KIF2C: variants seen among roughly 807,000 people sequenced by gnomAD.
KIF2C encodes kinesin family member 2C, also known as kinesin-like protein KIF2C.
A neutral mutation model predicts 97.4 loss-of-function variants in KIF2C; 34 were observed. The ratio of observed to expected loss-of-function variants is 0.35; its 90% CI spans 0.27 to 0.46. KIF2C has a LOEUF of 0.46. Ranked by LOEUF, KIF2C falls within the 20% of genes least tolerant of loss-of-function variation. The pLI is 1.00. For missense variants in KIF2C, 750 were observed against 907.6 expected (o/e 0.83, Z 2.23); for synonymous variants, 313 against 318.2 (o/e 0.98, Z 0.17).
chr1:44,746,663 G>A (rs771051996), intron 2 of KIF2C: 34 of 1,570,224 alleles, frequency 2.2e-5, no homozygotes, highest in East Asian at 6.9e-5. Flanking sequence ...TGGAGTACCC[G>A]ACTGTTTGCC....
At chr1:44,765,566 G>A (rs895065311) in intron 19 of KIF2C, among the ~76,000 whole-genome samples, 1 of 152,140 alleles carries the variant, frequency 6.6e-6, no homozygotes, top group Non-Finnish European at 1.5e-5. Flanking sequence ...TGGGCGCGGT[G>A]GCTTATGCCT....
intron 4 of KIF2C, 141 bp downstream of exon 4, chr1:44,747,841 T>G: frequency 5.7e-6 from 4 of 705,178 alleles, no homozygotes; most frequent in East Asian, 2.7e-5. Flanking sequence ...CATCTTTCTC[T>G]ATGAGAAAGA....
chr1:44,742,850 A>G (rs1179729559), intron 2 of KIF2C, among the ~76,000 whole-genome samples: 2 of 152,044 alleles, frequency 1.3e-5, no homozygotes. Flanking sequence ...CTGGTTGAGG[A>G]GACAAAAAGA....
In KIF2C at chr1:44,766,966, G is replaced by T. The variant is rs1573583154; in HGVS notation, c.2095+17G>T. On this transcript the variant is annotated intron_variant, in intron 20 of 20. Coordinates refer to ENST00000372224, the MANE Select transcript of KIF2C (RefSeq NM_006845.4). Reference sequence around the variant, plus strand: ...CCCTGCGAGGTGGGTGTGGCTGGATGGGGTGCAGGTGGACGATGGTGGCCT... The same window carrying T: ...CCCTGCGAGGTGGGTGTGGCTGGATTGGGTGCAGGTGGACGATGGTGGCCT... 1 of 1,614,092 alleles carries T rather than the reference G, an allele frequency of 6.2e-7. No homozygotes were observed. The highest frequency in any genetic ancestry group is 2.2e-5 in the East Asian group (1 of 44,876).
rs58381189 is a variant in KIF2C at position 44,751,507 on chromosome 1, C to CTTT, written c.439+959_439+961dup. On this transcript the variant is annotated intron_variant, in intron 5 of 20. Coordinates refer to ENST00000372224, the MANE Select transcript of KIF2C (RefSeq NM_006845.4). ...CACCTCGCCCAGCCCTCTTTTTGTA[C>CTTT]TTTTTTTTTTTTTTTTTTGAGACGG... Among the ~76,000 whole-genome samples the CTTT allele has an allele frequency of 1.3e-3, 162 of 125,650 alleles. 2 individuals are homozygous for CTTT. The highest frequency in any genetic ancestry group is 3.3e-3 in the African/African-American group (112 of 34,078). 82.4% of individuals were successfully genotyped at this position (125,650 alleles called of 152,430 possible). A position where few individuals can be genotyped will look rare whatever the true frequency, so the allele number is the denominator to read the frequency against.
chr1:44,740,200 C>G (rs1407863457), intron 1 of KIF2C, among the ~76,000 whole-genome samples, 198 bp downstream of exon 1: 1 of 152,172 alleles, frequency 6.6e-6, no homozygotes, highest in Non-Finnish European at 1.5e-5. Flanking sequence ...TGTACGTGGT[C>G]CCTTTCGCAG....
At chr1:44,744,881 C>T (rs1302771991) in intron 2 of KIF2C, among the ~76,000 whole-genome samples, 2 of 151,752 alleles carry the variant, frequency 1.3e-5, no homozygotes, top group African/African-American at 2.4e-5. Context: ...GCAGCCTGGG[C>T]GACAGAGTGA....
chr1:44,754,110 A>G lies in KIF2C; in HGVS notation c.663+277A>G, dbSNP rs569758410. Among the ~76,000 whole-genome samples the G allele has an allele frequency of 3.8e-4, 58 of 151,294 alleles. 1 individual carries two copies. The highest frequency in any genetic ancestry group is 1.3e-3 in the African/African-American group (54 of 41,214). Reference sequence around the variant, plus strand: ...CTGGGATTACAGGCATGTGCCGCTAATTTTTTGTATTTTTAGTAGAGACAG... The same window carrying G: ...CTGGGATTACAGGCATGTGCCGCTAGTTTTTTGTATTTTTAGTAGAGACAG... On this transcript the variant is annotated intron_variant, in intron 7 of 20. Coordinates refer to ENST00000372224, the MANE Select transcript of KIF2C (RefSeq NM_006845.4).
chr1:44,757,425 A>G (rs971720393), intron 10 of KIF2C, 131 bp from the exon 11 acceptor site: 9 of 662,294 alleles, frequency 1.4e-5, no homozygotes, highest in East Asian at 1.1e-4. Flanking sequence ...AGGTGGGACC[A>G]CTGAGGCAGG....
At chr1:44,757,864 G>A (rs779380668) in intron 11 of KIF2C, 44 bp from the exon 12 acceptor site, 2 of 1,592,214 alleles carry the variant, frequency 1.3e-6, no homozygotes, top group East Asian at 2.2e-5. Context: ...TCTGCTCTAG[G>A]CCAACAGCCC....
Position 44,760,672 on chromosome 1 carries a change from C to G in KIF2C, c.1653C>G (p.Ser551=). The change falls in exon 16 of 21, where the codon TCC becomes TCG. Residue 551 remains serine, a synonymous_variant. Transcript: ENST00000372224. This position sits in a 1 kb window ranked among gnomAD's most constrained non-coding sequence, Gnocchi z 4.2. Reference sequence around the variant, plus strand: ...AGCTGACACAGGTGCTGAGGGACTCCTTCATTGGGGAGAACTCTAGGACTT... The same window carrying G: ...AGCTGACACAGGTGCTGAGGGACTCGTTCATTGGGGAGAACTCTAGGACTT... ...ESKLTQVLRD[S]FIGENSRTCM... 1.2e-6 allele frequency: 2 copies of G among 1,614,104 alleles called. No homozygotes were observed. The highest frequency in any genetic ancestry group is 1.7e-6 in the Non-Finnish European group (2 of 1,179,974).
At position 44,754,825 on chromosome 1, in the gene KIF2C, C is replaced by G. The variant is rs149784496; in HGVS notation, c.739C>G (p.Pro247Ala). The G allele has an allele frequency of 9.9e-6, 16 of 1,608,542 alleles. No individual in the cohort carries two copies. Among genetic ancestry groups the G allele is most frequent in the South Asian group, 8.8e-5 (8 of 90,954 alleles). ...ATTTCGGGCTACTTTGGAATGTCAT[C>G]CACTTACTATGACTGATCCTGTAAG... ...KEFRATLECHPLTMTDPIEEH... is the reference protein window; with the variant it reads ...KEFRATLECHALTMTDPIEEH... Residue 247 changes from proline (P) to alanine (A), a missense_variant, in exon 8 of 21, where the codon CCA becomes GCA. By Grantham distance (27) the Pro-to-Ala change is conservative (BLOSUM62 -1). Transcript: ENST00000372224.
intron 17 of KIF2C, 170 bp downstream of exon 17, chr1:44,762,153 C>T: frequency 1.2e-6 from 1 of 835,722 alleles, no homozygotes; most frequent in African/African-American, 1.7e-5. Context: ...CCAATCCTCT[C>T]CGGGCCCTGC....
rs768370302 is a variant in KIF2C, at chr1:44,750,515, G to C, written c.390G>C (p.Glu130Asp). 8 of 1,587,510 alleles carry C rather than the reference G, an allele frequency of 5.0e-6. No individual in the cohort carries two copies. In the African/African-American group the frequency reaches 6.7e-5, roughly 13 times the overall value. Residue 130 changes from glutamate to aspartate, a missense_variant, in exon 5 of 21, where the codon GAG (glutamate) becomes GAC (aspartate). By Grantham distance (45) the Glu-to-Asp change is conservative (BLOSUM62 2). Transcript: ENST00000372224. ...TCACGGCTCAGGAGAATGACATGGA[G>C]GTGGAGCTGCCTGCAGCTGCAAACT... ...LRITAQENDMEVELPAAANSR... is the reference protein window; with the variant it reads ...LRITAQENDMDVELPAAANSR...
At chr1:44,747,319 A>G (rs1649257353) in intron 2 of KIF2C, 65 bp from the exon 3 acceptor site, 9 of 1,410,530 alleles carry the variant, frequency 6.4e-6, no homozygotes, top group African/African-American at 1.5e-5. Context: ...AAAAAAAAAA[A>G]AAAGAAAAAA....
Position 44,753,223 on chromosome 1 carries a change from AG to A in KIF2C, c.533del (p.Gly178AlafsTer8), listed in dbSNP as rs1410683022. The A allele has an allele frequency of 1.1e-5, 17 of 1,613,448 alleles. No homozygotes were observed. The highest frequency in any genetic ancestry group is 1.4e-5 in the Non-Finnish European group (16 of 1,179,732). On this transcript the variant is annotated frameshift_variant, in exon 6 of 21. Coordinates refer to ENST00000372224, the MANE Select transcript of KIF2C (RefSeq NM_006845.4). LOFTEE classifies it high-confidence loss of function. ...TGGAAGAGCAAGTCCATTCCATCCG[AG>A]GCAGCTCTTCTGCAAACCCTGTGAA... ...EMEEQVHSIR[G>X]SSSANPVNSV...
At chr1:44,758,645 C>T (rs531117764) in intron 13 of KIF2C, among the ~76,000 whole-genome samples, 4 of 152,150 alleles carry the variant, frequency 2.6e-5, no homozygotes, top group East Asian at 3.9e-4. Context: ...GAGGCCGAGG[C>T]GGGCAGGTCA....
At chr1:44,754,130 A>G (rs1260770391) in intron 7 of KIF2C, among the ~76,000 whole-genome samples, 1 of 151,550 alleles carries the variant, frequency 6.6e-6, no homozygotes, top group Non-Finnish European at 1.5e-5. Context: ...TTTTTAGTAG[A>G]GACAGAGTTT....
intron 2 of KIF2C, among the ~76,000 whole-genome samples, chr1:44,742,746 A>G (rs923566508): frequency 8.6e-5 from 13 of 150,602 alleles, no homozygotes; most frequent in African/African-American, 3.2e-4. Context: ...AACAAACTGC[A>G]CAGAATTTTA....
Sources: allele counts gnomAD v4.1 joint callset (sites outside exome capture counted in the v4.1 genomes callset), GRCh38; gene constraint gnomAD v4.1.1; non-coding constraint Gnocchi (gnomAD v3.1); transcripts MANE v1.5; gene names NCBI Gene and HGNC (gene_info 2026-07-23, HGNC 2026-07-21).